Variants in RANGRF observed in about 807,000 individuals in gnomAD.
RANGRF encodes the protein RAN guanine nucleotide release factor, also known as MOG1 homolog.
In RANGRF, 17 loss-of-function variants were observed where a neutral mutation model predicts 21.8. The ratio of observed to expected loss-of-function variants is 0.78; its 90% CI spans 0.53 to 1.17. The LOEUF (loss-of-function observed/expected upper bound fraction) is 1.17, where lower values mean the gene tolerates loss of function less well. Among genes scored for constraint, RANGRF ranks in the 50% most tolerant of loss-of-function variants. The pLI is 0.00. For synonymous variants in RANGRF, 97 were observed against 94.3 expected, an observed-to-expected ratio of 1.03 and a Z score of -0.17; for missense variants, 225 against 235.5, an observed-to-expected ratio of 0.96 and a Z score of 0.29.
rs750059989 is a variant in RANGRF at position 8,288,936 on chromosome 17, T to C, written c.78-20T>C. 3.7e-5 allele frequency: 60 copies of C among 1,613,828 alleles called. No individual in the cohort carries two copies. The highest frequency in any genetic ancestry group is 1.6e-4 in the Middle Eastern group (1 of 6,084). ...GGGAAGAGACCGGGGTCAACCAGGG[T>C]CTGCCTCGCCTCACTCCAGCGACCT... On this transcript the variant is annotated intron_variant, in intron 1 of 4. Transcript: ENST00000226105.
chr17:8,289,667 C>T, intron 4 of RANGRF, 79 bp downstream of exon 4: 1 of 1,606,008 alleles, frequency 6.2e-7, no homozygotes, highest in Non-Finnish European at 8.5e-7. Flanking sequence ...AACAGGGAGA[C>T]TCACTGGTGG....
rs1414028032 is a variant in RANGRF at position 8,289,962 on chromosome 17, G to A, written c.*26G>A. On this transcript the variant is annotated 3_prime_UTR_variant, in exon 5 of 5. Coordinates refer to ENST00000226105, the MANE Select transcript of RANGRF (RefSeq NM_016492.5). Reference sequence around the variant, plus strand: ...AGGCGCTGAAGCACTGCATGATGTTGCTGAGAACTTGGGGACTCGGTTCTG... The same window carrying A: ...AGGCGCTGAAGCACTGCATGATGTTACTGAGAACTTGGGGACTCGGTTCTG... 1.9e-6 allele frequency: 3 copies of A among 1,613,722 alleles called. No homozygotes were observed. The highest frequency in any genetic ancestry group is 2.7e-5 in the African/African-American group (2 of 74,908).
chr17:8,289,781 T>C (rs770915589), intron 4 of RANGRF, 32 bp from the exon 5 acceptor site: 1 of 1,613,630 alleles, frequency 6.2e-7, no homozygotes, highest in South Asian at 1.1e-5. Flanking sequence ...GCCTGGATGA[T>C]GTTCTGTCTC....
chr17:8,288,823 G>A lies in RANGRF; in HGVS notation c.35G>A (p.Gly12Asp), dbSNP rs1990240045. 2.5e-6 allele frequency: 4 copies of A among 1,614,210 alleles called. No homozygotes were observed. The highest frequency in any genetic ancestry group is 3.3e-5 in the Admixed American group (2 of 60,026). Residue 12 changes from glycine to aspartate, a missense_variant, in exon 1 of 5, where the codon GGC becomes GAC. By Grantham distance (94) the Gly-to-Asp change is moderately conservative. Coordinates refer to ENST00000226105, the MANE Select transcript of RANGRF (RefSeq NM_016492.5). ...ACGAGAGACTGCCCGCTGTTCGGGG[G>A]CGCCTTTTCCGCCATCCTCCCCATG... ...EPTRDCPLFGGAFSAILPMGA... is the reference protein window; with the variant it reads ...EPTRDCPLFGDAFSAILPMGA...
rs1990233447 is a variant in RANGRF, at chr17:8,288,735, C to T, written c.-54C>T. On this transcript the variant is annotated 5_prime_UTR_variant, in exon 1 of 5. Coordinates refer to ENST00000226105, the MANE Select transcript of RANGRF (RefSeq NM_016492.5). ...ACCCAGGGAGCCGATGCCACGTGAC[C>T]CAATGTGGACTTCTTTTAAACCTTT... The T allele has an allele frequency of 5.7e-6, 9 of 1,591,166 alleles. No homozygotes were observed. Among genetic ancestry groups the T allele is most frequent in the Non-Finnish European group, 6.9e-6 (8 of 1,159,714 alleles).
rs374174477 is a variant in RANGRF at position 8,289,910 on chromosome 17, G to A, written c.535G>A (p.Asp179Asn). ...EQLVTSLTLH[D>N]PNIFGPQ Reference sequence around the variant, plus strand: ...GCTGGTGACCAGTCTGACCCTTCACGATCCTAACATCTTTGGTCCCCAGTA... The same window carrying A: ...GCTGGTGACCAGTCTGACCCTTCACAATCCTAACATCTTTGGTCCCCAGTA... Residue 179 changes from aspartate to asparagine, a missense_variant, in exon 5 of 5, where the codon GAT (aspartate) becomes AAT (asparagine). Transcript: ENST00000226105. 3.2e-5 allele frequency: 51 copies of A among 1,614,092 alleles called. No individual in the cohort carries two copies. The highest frequency in any genetic ancestry group is 4.0e-5 in the African/African-American group (3 of 75,014).
chr17:8,289,125 G>T (rs1990274179), intron 2 of RANGRF, 53 bp downstream of exon 2: 1 of 1,604,104 alleles, frequency 6.2e-7, no homozygotes. Context: ...CGGACCAGTG[G>T]GCGGGGCCCG....
rs1454652516 is a variant in RANGRF at position 8,289,027 on chromosome 17, A to G, written c.149A>G (p.Glu50Gly). The G allele has an allele frequency of 2.5e-6, 4 of 1,614,040 alleles. No individual in the cohort carries two copies. Among genetic ancestry groups the G allele is most frequent in the Non-Finnish European group, 3.4e-6 (4 of 1,180,016 alleles). ...GTGACGGACCAGAGCCTGATAGTGGAACTTCTCGAGCTGCAGGCCCACGTA... is the reference window on the plus strand; with the variant it reads ...GTGACGGACCAGAGCCTGATAGTGGGACTTCTCGAGCTGCAGGCCCACGTA... Reference protein sequence around the residue: ...HPVTDQSLIVELLELQAHVRG... With the variant: ...HPVTDQSLIVGLLELQAHVRG... The change falls in exon 2 of 5, where the codon GAA becomes GGA. Residue 50 changes from glutamate (E) to glycine (G), a missense_variant. By Grantham distance (98) the Glu-to-Gly change is moderately conservative. Coordinates refer to ENST00000226105, the MANE Select transcript of RANGRF (RefSeq NM_016492.5).
Position 8,289,862 on chromosome 17 carries a change from T to G in RANGRF, c.487T>G (p.Trp163Gly). The change falls in exon 5 of 5, where the codon TGG (tryptophan) becomes GGG (glycine). Residue 163 changes from tryptophan to glycine, a missense_variant. Coordinates refer to ENST00000226105, the MANE Select transcript of RANGRF (RefSeq NM_016492.5). ...CCCCGAAAATCTGTCACCTGCACCC[T>G]GGAGCCTGGGTGACTTTGAACAGCT... ...LGPENLSPAP[W>G]SLGDFEQLVT... 6.2e-7 allele frequency: 1 copy of G among 1,614,148 alleles called. No homozygotes were observed. Among genetic ancestry groups the G allele is most frequent in the Non-Finnish European group, 8.5e-7 (1 of 1,180,018 alleles).
intron 4 of RANGRF, 83 bp downstream of exon 4, chr17:8,289,671 C>A (rs752025883): frequency 1.9e-6 from 3 of 1,606,264 alleles, no homozygotes; most frequent in Admixed American, 1.7e-5. Context: ...GGGAGACTCA[C>A]TGGTGGGATC....
rs200305092 is a variant in RANGRF at position 8,288,815 on chromosome 17, G to C, written c.27G>C (p.Leu9=). The C allele has an allele frequency of 1.1e-4, 170 of 1,614,076 alleles. No homozygotes were observed. In the Middle Eastern group the frequency reaches 3.5e-3, roughly 33 times the overall value. Residue 9 remains leucine (L), a synonymous_variant, in exon 1 of 5, where the codon CTG becomes CTC. Coordinates refer to ENST00000226105, the MANE Select transcript of RANGRF (RefSeq NM_016492.5). ...TGGAGCCCACGAGAGACTGCCCGCT[G>C]TTCGGGGGCGCCTTTTCCGCCATCC... MEPTRDCP[L]FGGAFSAILP...
In RANGRF at chr17:8,288,734, C is replaced by T; in HGVS notation, c.-55C>T. ...AACCCAGGGAGCCGATGCCACGTGA[C>T]CCAATGTGGACTTCTTTTAAACCTT... On this transcript the variant is annotated 5_prime_UTR_variant, in exon 1 of 5. Transcript: ENST00000226105. 3.8e-6 allele frequency: 6 copies of T among 1,589,310 alleles called. No homozygotes were observed. The highest frequency in any genetic ancestry group is 5.2e-6 in the Non-Finnish European group (6 of 1,157,864).
Position 8,290,023 on chromosome 17 carries a change from T to G in RANGRF, c.*87T>G, listed in dbSNP as rs760972674. 4 of 1,604,990 alleles carry G rather than the reference T, an allele frequency of 2.5e-6. No individual in the cohort carries two copies. In the South Asian group the frequency reaches 4.4e-5, roughly 18 times the overall value. On this transcript the variant is annotated 3_prime_UTR_variant, in exon 5 of 5. Transcript: ENST00000226105. Reference sequence around the variant, plus strand: ...AAGAGGTTGAAAAGAGGGTTTCCTCTTATTTCTTCCCTGTGCGTAAACATA... The same window carrying G: ...AAGAGGTTGAAAAGAGGGTTTCCTCGTATTTCTTCCCTGTGCGTAAACATA...
rs140016697 is a variant in RANGRF at position 8,288,863 on chromosome 17, A to T, written c.75A>T (p.Val25=). ...TCCTCCCCATGGGGGCCATTGACGT[A>T]AGGTGAGAAGGCCGGGGCGCCCAGG... ...SAILPMGAID[V]SDLRPVPDNQ... The change falls in exon 1 of 5, where the codon GTA becomes GTT. Residue 25 remains valine (V), a splice_region_variant and synonymous_variant. Transcript: ENST00000226105. 5.6e-6 allele frequency: 9 copies of T among 1,614,182 alleles called. No individual in the cohort carries two copies. The African/African-American group carries it at 1.2e-4, about 22-fold the overall frequency.
chr17:8,289,070 G>T lies in RANGRF; in HGVS notation c.192G>T (p.Ala64=). The T allele has an allele frequency of 1.2e-6, 2 of 1,613,416 alleles. No homozygotes were observed. The highest frequency in any genetic ancestry group is 1.7e-6 in the Non-Finnish European group (2 of 1,179,890). The change falls in exon 2 of 5, where the codon GCG becomes GCT. Residue 64 remains alanine (A), a splice_region_variant and synonymous_variant. Transcript: ENST00000226105. ...LQAHVRGEAA[A]RYHFEDVGGV... The stretch of plus-strand genomic sequence containing the variant: ...CCCACGTACGGGGCGAAGCGGCTGC[G>T]CGGTGAGGGAATGGCCCCCGGCTGG...
intron 4 of RANGRF, 32 bp downstream of exon 4, chr17:8,289,620 G>T (rs1421115026): frequency 1.9e-6 from 3 of 1,608,328 alleles, no homozygotes; most frequent in Non-Finnish European, 2.6e-6. Context: ...GGTATCTCAT[G>T]ACTGGGTTCC....
intron 2 of RANGRF, 45 bp from the exon 3 acceptor site, chr17:8,289,213 A>T (rs770266134): frequency 1.4e-5 from 23 of 1,608,072 alleles, no homozygotes; most frequent in Non-Finnish European, 1.7e-5. Flanking sequence ...GCTCCCGGGG[A>T]GGCGACCAGA....
chr17:8,289,674 G>A (rs1423119262), intron 4 of RANGRF, 86 bp downstream of exon 4: 1 of 1,607,138 alleles, frequency 6.2e-7, no homozygotes, highest in Admixed American at 1.7e-5. Context: ...AGACTCACTG[G>A]TGGGATCCTC....
chr17:8,288,795 C>A lies in RANGRF; in HGVS notation c.7C>A (p.Pro3Thr), dbSNP rs771107391. ME[P>T]TRDCPLFGGA... ...ATAACCCAGCCTCAGACCCATGGAG[C>A]CCACGAGAGACTGCCCGCTGTTCGG... Residue 3 changes from proline to threonine, a missense_variant, in exon 1 of 5, where the codon CCC becomes ACC. Coordinates refer to ENST00000226105, the MANE Select transcript of RANGRF (RefSeq NM_016492.5). 5.6e-6 allele frequency: 9 copies of A among 1,613,988 alleles called. No homozygotes were observed. The highest frequency in any genetic ancestry group is 1.7e-5 in the Admixed American group (1 of 60,008).
Sources: gnomAD v4.1 joint callset for allele counts on GRCh38, gnomAD v4.1.1 for gene constraint, MANE v1.5 for transcripts, NCBI Gene and HGNC (gene_info 2026-07-23, HGNC 2026-07-21) for gene names.